DYRK4: variants seen among roughly 807,000 people sequenced by gnomAD.
DYRK4 encodes dual specificity tyrosine phosphorylation regulated kinase 4, also known as dual specificity tyrosine-phosphorylation-regulated kinase 4.
In DYRK4, 64 loss-of-function variants were observed where a neutral mutation model predicts 68.3. The ratio of observed to expected loss-of-function variants is 0.94; its 90% CI spans 0.77 to 1.15. The LOEUF (loss-of-function observed/expected upper bound fraction) is 1.15. Among genes scored for constraint, DYRK4 ranks in the 50% most tolerant of loss-of-function variants. The probability of loss-of-function intolerance (pLI) is 0.00; values close to 1 mark genes in which losing one functional copy is unlikely to be tolerated. For synonymous variants in DYRK4, 274 were observed against 289.9 expected (o/e 0.95, Z 0.56); for missense variants, 740 against 764.7 (o/e 0.97, Z 0.38).
chr12:4,590,146 T>C, intron 3 of DYRK4, 184 bp from the exon 4 acceptor site: 1 of 1,357,522 alleles, frequency 7.4e-7, no homozygotes, highest in Non-Finnish European at 9.4e-7. Flanking sequence ...AGCCCATGTG[T>C]TTGTTGACTC....
At chr12:4,571,877 T>A (rs1051098070) in intron 2 of DYRK4, among the ~76,000 whole-genome samples, 11 of 152,388 alleles carry the variant, frequency 7.2e-5, no homozygotes, top group Admixed American at 6.5e-4. Context: ...GCAAAGGTTT[T>A]ACTGGACTGG....
chr12:4,598,201 C>T (rs530580973), intron 8 of DYRK4, among the ~76,000 whole-genome samples: 2 of 152,150 alleles, frequency 1.3e-5, no homozygotes, highest in African/African-American at 4.8e-5. Context: ...CAGAGCAAGA[C>T]CCCATCTCTA....
chr12:4,588,030 G>A (rs7133130), intron 2 of DYRK4, among the ~76,000 whole-genome samples: 2,582 of 152,232 alleles, frequency 0.017, 73 homozygotes, highest in South Asian at 0.11. Context: ...CCATGCCTAC[G>A]CCTACATAGT....
intron 2 of DYRK4, among the ~76,000 whole-genome samples, chr12:4,571,991 C>G (rs891392702): frequency 6.6e-6 from 1 of 152,178 alleles, no homozygotes; most frequent in Non-Finnish European, 1.5e-5. Flanking sequence ...CATTTATTTC[C>G]TCTACAAGTA....
intron 2 of DYRK4, among the ~76,000 whole-genome samples, chr12:4,584,435 G>C (rs192500752): frequency 6.6e-6 from 1 of 152,228 alleles, no homozygotes; most frequent in East Asian, 1.9e-4. Context: ...ACAGGACTGA[G>C]TAACTGGAAG....
chr12:4,600,704 T>G (rs1204656138), intron 10 of DYRK4, among the ~76,000 whole-genome samples: 1 of 150,466 alleles, frequency 6.6e-6, no homozygotes, highest in Non-Finnish European at 1.5e-5. Context: ...TGAGAAGGGG[T>G]GTGAAGCTTC....
At chr12:4,599,218 A>T in intron 9 of DYRK4, 52 bp downstream of exon 9, 1 of 1,541,142 alleles carries the variant, frequency 6.5e-7, no homozygotes. Context: ...TACCCATTCT[A>T]TTCCCCAGGC....
intron 2 of DYRK4, among the ~76,000 whole-genome samples, chr12:4,571,303 C>T (rs1406020590): frequency 6.6e-6 from 1 of 152,254 alleles, no homozygotes; most frequent in African/African-American, 2.4e-5. Context: ...GCTACTTTTT[C>T]TCTGTTAATT....
chr12:4,582,697 T>C (rs904185833), intron 2 of DYRK4, among the ~76,000 whole-genome samples: 4 of 151,934 alleles, frequency 2.6e-5, no homozygotes, highest in Non-Finnish European at 5.9e-5. Flanking sequence ...CTGGATGACA[T>C]GGCGGTGGGG....
chr12:4,586,513 C>T (rs952336834), intron 2 of DYRK4, among the ~76,000 whole-genome samples: 14 of 152,052 alleles, frequency 9.2e-5, no homozygotes, highest in Admixed American at 5.2e-4. Context: ...ATCCCTTGGT[C>T]GAATTAAGTG....
intron 1 of DYRK4, among the ~76,000 whole-genome samples, chr12:4,562,813 C>T (rs953112268): frequency 2.6e-5 from 4 of 151,818 alleles, no homozygotes; most frequent in Non-Finnish European, 5.9e-5. Context: ...CACAAAAGCG[C>T]GCGAAGGTGT....
Position 4,613,002 on chromosome 12 carries a change from T to C in DYRK4, c.1666+284T>C. 1 of 372,606 alleles carries C rather than the reference T, an allele frequency of 2.7e-6. No homozygotes were observed. Among genetic ancestry groups the C allele is most frequent in the South Asian group, 3.1e-5 (1 of 32,530 alleles). The allele number at this position is 372,606 out of a possible 1,614,324, so 23.1% of individuals were successfully genotyped here. On this transcript the variant is annotated intron_variant, in intron 14 of 14. Coordinates refer to ENST00000543431, the MANE Select transcript of DYRK4 (RefSeq NM_001394779.1). This position sits in a 1 kb window ranked among gnomAD's most constrained non-coding sequence, Gnocchi z 4.0. ...TTTTCAGGGAAATTTGGCATTAGCC[T>C]GGATCTTTTTTGCCCCTTATTAGGA... is the stretch of plus-strand genomic sequence containing the variant.
chr12:4,609,059 G>C (rs541409099), intron 12 of DYRK4, among the ~76,000 whole-genome samples: 80 of 152,236 alleles, frequency 5.3e-4, no homozygotes, highest in African/African-American at 1.8e-3. Context: ...ATCTAGGTGG[G>C]GACTAGCAGG....
intron 10 of DYRK4, chr12:4,602,156 T>A (rs1453167998): frequency 4.1e-5 from 27 of 665,588 alleles, no homozygotes; most frequent in Middle Eastern, 3.0e-4. Context: ...AGCTTTCATA[T>A]CTGTATGAAC....
At chr12:4,589,382 C>A (rs962722968) in intron 3 of DYRK4, among the ~76,000 whole-genome samples, 2 of 152,100 alleles carry the variant, frequency 1.3e-5, no homozygotes, top group African/African-American at 4.8e-5. Flanking sequence ...AATTAAATTA[C>A]TATTGATTAT....
rs200582997 is a variant in DYRK4 at position 4,577,041 on chromosome 12, C to T, written c.132+8993C>T. Reference sequence around the variant, plus strand: ...CGTATCCATTTTTTTCCGTCATGATCGTGCTTTTTTATTGTAGTTAAAAAG... The same window carrying T: ...CGTATCCATTTTTTTCCGTCATGATTGTGCTTTTTTATTGTAGTTAAAAAG... On this transcript the variant is annotated intron_variant, in intron 2 of 14. Transcript: ENST00000543431. Among the ~76,000 whole-genome samples the T allele has an allele frequency of 2.0e-4, 30 of 152,216 alleles. No homozygotes were observed. The East Asian group carries it at 5.2e-3, about 26-fold the overall frequency.
chr12:4,594,267 A>G (rs906360403), intron 6 of DYRK4, among the ~76,000 whole-genome samples: 1 of 152,180 alleles, frequency 6.6e-6, no homozygotes, highest in Admixed American at 6.5e-5. Flanking sequence ...GGAGTTGCCC[A>G]GGCTGGAGTG....
At chr12:4,608,414 G>C (rs1945178713) in intron 12 of DYRK4, among the ~76,000 whole-genome samples, 1 of 152,136 alleles carries the variant, frequency 6.6e-6, no homozygotes, top group Admixed American at 6.6e-5. Context: ...CACAATTTCT[G>C]TTCACAACTT....
At chr12:4,599,313 G>A (rs1386700657) in intron 9 of DYRK4, 147 bp downstream of exon 9, 3 of 806,528 alleles carry the variant, frequency 3.7e-6, no homozygotes, top group Non-Finnish European at 5.6e-6. Context: ...TGTCATGGCA[G>A]TATATCAAGG....
Sources: gnomAD v4.1 joint callset for allele counts (sites outside exome capture counted in the v4.1 genomes callset) on GRCh38, gnomAD v4.1.1 for gene constraint, Gnocchi (gnomAD v3.1) non-coding constraint, MANE v1.5 for transcripts, NCBI Gene and HGNC (gene_info 2026-07-23, HGNC 2026-07-21) for gene names.